FUT8: variants seen among roughly 807,000 people sequenced by gnomAD.
FUT8 encodes the protein fucosyltransferase 8.
A neutral mutation model predicts 71.3 loss-of-function variants in FUT8; 29 were observed. That is an observed-to-expected ratio of 0.41 (90% CI 0.30 to 0.55). FUT8 has a LOEUF of 0.55. Ranked by LOEUF, FUT8 falls within the 20% of genes least tolerant of loss-of-function variation. FUT8 has a pLI of 0.34. For synonymous variants in FUT8, 254 were observed against 239.3 expected, an observed-to-expected ratio of 1.06 and a Z score of -0.57; for missense variants, 544 against 702.1, an observed-to-expected ratio of 0.77 and a Z score of 2.55.
upstream of FUT8, among the ~76,000 whole-genome samples, chr14:65,406,082 A>C (rs1233274961): frequency 1.3e-5 from 2 of 152,272 alleles, no homozygotes; most frequent in Non-Finnish European, 2.9e-5. Flanking sequence ...ATGAGATGAT[A>C]AAATACAGGT....
intron 2 of FUT8, among the ~76,000 whole-genome samples, chr14:65,465,363 G>T (rs1388552733): frequency 6.6e-6 from 1 of 151,898 alleles, no homozygotes; most frequent in Non-Finnish European, 1.5e-5. Context: ...TATGAAATGG[G>T]GTCTCATTAT....
chr14:65,733,179 G>A (rs1048649181), intron 9 of FUT8, 52 bp from the exon 10 acceptor site: 6 of 1,187,052 alleles, frequency 5.1e-6, no homozygotes, highest in Non-Finnish European at 7.0e-6. Context: ...TCTGCCTTCT[G>A]ATAGGATACT....
chr14:65,372,371 T>A, the FUT8 span, among the ~76,000 whole-genome samples: 1 of 152,146 alleles, frequency 6.6e-6, no homozygotes, highest in Non-Finnish European at 1.5e-5. Context: ...GATTTCTATA[T>A]TTTCAAACTA....
At chr14:65,732,790 A>G (rs928433791) in intron 9 of FUT8, among the ~76,000 whole-genome samples, 38 of 152,336 alleles carry the variant, frequency 2.5e-4, no homozygotes, top group African/African-American at 9.1e-4. Context: ...TGAAGAAGAC[A>G]TTTACAAAGT....
intron 9 of FUT8, among the ~76,000 whole-genome samples, chr14:65,727,457 C>T (rs2139370266): frequency 6.6e-6 from 1 of 152,320 alleles, no homozygotes; most frequent in Middle Eastern, 3.4e-3. Context: ...AGGCTTGGGG[C>T]TTCCACCCTC....
chr14:65,398,013 A>G, the FUT8 span, among the ~76,000 whole-genome samples: 1 of 152,182 alleles, frequency 6.6e-6, no homozygotes, highest in East Asian at 1.9e-4. Context: ...TTCAATTTTC[A>G]TTTTGACTGT....
At chr14:65,635,055 T>A (rs2140282181) in intron 6 of FUT8, among the ~76,000 whole-genome samples, 1 of 152,296 alleles carries the variant, frequency 6.6e-6, no homozygotes, top group South Asian at 2.1e-4. Flanking sequence ...GCCTCCTCGG[T>A]TAGGTATATT....
intron 2 of FUT8, among the ~76,000 whole-genome samples, chr14:65,522,617 CG>C (rs1883159919): frequency 6.6e-6 from 1 of 151,990 alleles, no homozygotes; most frequent in African/African-American, 2.4e-5. Flanking sequence ...TACATGTGCG[CG>C]ACGTGCAGGT....
intron 6 of FUT8, among the ~76,000 whole-genome samples, chr14:65,654,763 T>G (rs2140333257): frequency 6.6e-6 from 1 of 151,370 alleles, no homozygotes; most frequent in African/African-American, 2.4e-5. Context: ...AAGGAGCAAA[T>G]AAAAAACAAT....
chr14:65,616,452 A>T, intron 5 of FUT8, 79 bp downstream of exon 5: 4 of 1,235,952 alleles, frequency 3.2e-6, no homozygotes, highest in East Asian at 2.3e-5. Flanking sequence ...TTGTTAATCC[A>T]TCTGTTGAGT....
chr14:65,366,361 G>C, the FUT8 span, among the ~76,000 whole-genome samples: 8 of 152,206 alleles, frequency 5.3e-5, no homozygotes, highest in African/African-American at 1.9e-4. Context: ...TTTGAGCTGA[G>C]ACTTAAATGG....
intron 7 of FUT8, among the ~76,000 whole-genome samples, chr14:65,670,064 A>G (rs2140373926): frequency 6.6e-6 from 1 of 152,348 alleles, no homozygotes; most frequent in Non-Finnish European, 1.5e-5. Flanking sequence ...AATTGTATTC[A>G]GGAAACATTT....
intron 2 of FUT8, among the ~76,000 whole-genome samples, chr14:65,557,028 CT>C (rs1332104747): frequency 6.6e-6 from 1 of 151,970 alleles, no homozygotes; most frequent in Non-Finnish European, 1.5e-5. Flanking sequence ...AATAAAATTA[CT>C]TTTTTTGGAG....
chr14:65,539,674 G>T (rs1884560165), intron 2 of FUT8, among the ~76,000 whole-genome samples: 1 of 152,146 alleles, frequency 6.6e-6, no homozygotes, highest in African/African-American at 2.4e-5. Context: ...ATTTAAACCT[G>T]GGTAAAAATA....
upstream of FUT8, chr14:65,412,129 TG>T (rs34007703): frequency 8.1e-5 from 37 of 455,928 alleles, no homozygotes; most frequent in Middle Eastern, 1.6e-3. Context: ...CAGGCCCTCG[TG>T]GGGGGGGTCT....
intron 1 of FUT8, among the ~76,000 whole-genome samples, chr14:65,432,482 C>T (rs182256494): frequency 2.6e-4 from 39 of 151,194 alleles, no homozygotes; most frequent in African/African-American, 9.0e-4. Flanking sequence ...CAGATTCATT[C>T]GCTTGTCAAA....
rs1007956229 is a variant in FUT8, at chr14:65,467,634, G to A, written c.-228+11916G>A. ...TGGAATTAGAGGCGCCCATCACCAC[G>A]CCCAGCTAATTTTTTGTATTTTTAG... On this transcript the variant is annotated intron_variant, in intron 2 of 10. Coordinates refer to ENST00000673929, the MANE Select transcript of FUT8 (RefSeq NM_001371533.1). The surrounding 1 kb of genome is among the most constrained non-coding windows in gnomAD (Gnocchi z 4.1). Among the ~76,000 whole-genome samples the A allele has an allele frequency of 3.9e-5, 6 of 151,944 alleles. No individual in the cohort carries two copies. The highest frequency in any genetic ancestry group is 5.9e-5 in the Non-Finnish European group (4 of 67,978).
chr14:65,721,002 C>T (rs1231637604), intron 7 of FUT8, among the ~76,000 whole-genome samples: 2 of 152,140 alleles, frequency 1.3e-5, no homozygotes, highest in East Asian at 1.9e-4. Flanking sequence ...TTGCACCACA[C>T]GGCCACTGCA....
intron 2 of FUT8, among the ~76,000 whole-genome samples, chr14:65,540,406 C>A (rs1383782912): frequency 6.6e-6 from 1 of 152,188 alleles, no homozygotes; most frequent in Non-Finnish European, 1.5e-5. Flanking sequence ...GGAAGGCATA[C>A]CTTTTTACCA....
Sources: gnomAD v4.1 joint callset for allele counts (sites outside exome capture counted in the v4.1 genomes callset) on GRCh38, gnomAD v4.1.1 for gene constraint, Gnocchi (gnomAD v3.1) non-coding constraint, MANE v1.5 for transcripts, NCBI Gene and HGNC (gene_info 2026-07-23, HGNC 2026-07-21) for gene names.